UNC13C: variants seen among roughly 807,000 people sequenced by gnomAD.
UNC13C encodes protein unc-13 homolog C.
UNC13C carries 174 observed loss-of-function variants against 245.4 expected under a neutral mutation model. That is an observed-to-expected ratio of 0.71 (90% CI 0.63 to 0.80). The LOEUF (loss-of-function observed/expected upper bound fraction) is 0.80, where lower values mean the gene tolerates loss of function less well. UNC13C is among the 30% of genes least tolerant of loss of function. UNC13C has a pLI of 0.00. For synonymous variants in UNC13C, 992 were observed against 895.1 expected, an observed-to-expected ratio of 1.11 and a Z score of -1.93; for missense variants, 2,829 against 2,602.9, an observed-to-expected ratio of 1.09 and a Z score of -1.89.
the UNC13C span, among the ~76,000 whole-genome samples, chr15:53,900,189 A>G: frequency 7.0e-6 from 1 of 141,950 alleles, no homozygotes; most frequent in African/African-American, 2.6e-5. Flanking sequence ...TGGATTTAAT[A>G]AGGAATTATA....
chr15:54,000,409 C>A (rs1029390233), intron 1 of UNC13C, among the ~76,000 whole-genome samples: 2 of 152,106 alleles, frequency 1.3e-5, no homozygotes, highest in African/African-American at 2.4e-5. Context: ...TATATATGAA[C>A]ATGTTTTGAA....
At chr15:54,051,508 C>A (rs1897264582) in intron 2 of UNC13C, among the ~76,000 whole-genome samples, 1 of 152,042 alleles carries the variant, frequency 6.6e-6, no homozygotes, top group South Asian at 2.1e-4. Flanking sequence ...CACAGTCTTT[C>A]AAATATAGAG....
At position 54,605,285 on chromosome 15, in the gene UNC13C, C is replaced by T. The variant is rs565634378; in HGVS notation, c.6107-17042C>T. ...GAGGGGCCACAGTGCCATGTAGAATCACTGAAACTGCTTTTAAGCTTAGCA... is the reference window on the plus strand; with the variant it reads ...GAGGGGCCACAGTGCCATGTAGAATTACTGAAACTGCTTTTAAGCTTAGCA... On this transcript the variant is annotated intron_variant, in intron 30 of 32. Coordinates refer to ENST00000260323, the MANE Select transcript of UNC13C (RefSeq NM_001080534.3). Among the ~76,000 whole-genome samples the T allele has an allele frequency of 5.9e-5, 9 of 152,310 alleles. 1 individual carries two copies. In the South Asian group the frequency reaches 1.9e-3, roughly 32 times the overall value.
chr15:54,146,197 T>G (rs1373125716), intron 4 of UNC13C, among the ~76,000 whole-genome samples: 5 of 152,180 alleles, frequency 3.3e-5, no homozygotes, highest in Admixed American at 2.0e-4. Flanking sequence ...AAATACTATT[T>G]AAATATCACA....
At chr15:54,024,733 C>A (rs953735012) in intron 2 of UNC13C, among the ~76,000 whole-genome samples, 1 of 151,898 alleles carries the variant, frequency 6.6e-6, no homozygotes, top group African/African-American at 2.4e-5. Context: ...CCTGGCTACA[C>A]GGTGAAACCC....
chr15:54,514,995 TC>T (rs1168297925), intron 24 of UNC13C, among the ~76,000 whole-genome samples: 1 of 152,150 alleles, frequency 6.6e-6, no homozygotes, highest in Non-Finnish European at 1.5e-5. Context: ...AATTTTCTTC[TC>T]CTCTAAAGTG....
At chr15:54,140,786 A>T (rs1255054301) in intron 2 of UNC13C, among the ~76,000 whole-genome samples, 1 of 152,016 alleles carries the variant, frequency 6.6e-6, no homozygotes, top group African/African-American at 2.4e-5. Flanking sequence ...CATGGATTTT[A>T]TGTTCTTTCA....
intron 2 of UNC13C, among the ~76,000 whole-genome samples, chr15:54,080,834 C>A (rs1259402361): frequency 1.3e-5 from 2 of 151,744 alleles, no homozygotes; most frequent in Non-Finnish European, 2.9e-5. Context: ...TTTGTTGTTT[C>A]TTTGCTTTTG....
At chr15:54,071,603 T>G (rs998402704) in intron 2 of UNC13C, among the ~76,000 whole-genome samples, 2 of 152,122 alleles carry the variant, frequency 1.3e-5, no homozygotes, top group Admixed American at 1.3e-4. Flanking sequence ...ACATGTGGCC[T>G]GCTACCTCTT....
intron 19 of UNC13C, among the ~76,000 whole-genome samples, chr15:54,441,075 A>G (rs565446209): frequency 1.3e-5 from 2 of 152,068 alleles, no homozygotes; most frequent in Non-Finnish European, 2.9e-5. Flanking sequence ...TGTAAAATGA[A>G]TACTTTGCAA....
chr15:54,059,095 G>C (rs1897677944), intron 2 of UNC13C, among the ~76,000 whole-genome samples: 1 of 152,086 alleles, frequency 6.6e-6, no homozygotes, highest in Non-Finnish European at 1.5e-5. Flanking sequence ...TCAACATAGT[G>C]TTGGAAGTTC....
At chr15:54,556,298 C>A (rs1240420116) in intron 29 of UNC13C, among the ~76,000 whole-genome samples, 2 of 152,014 alleles carry the variant, frequency 1.3e-5, no homozygotes, top group African/African-American at 4.8e-5. Flanking sequence ...CTGTTAGCTA[C>A]CATGACCCAT....
chr15:53,893,011 T>C, the UNC13C span, among the ~76,000 whole-genome samples: 1 of 152,202 alleles, frequency 6.6e-6, no homozygotes, highest in South Asian at 2.1e-4. Context: ...TGTGGATTTA[T>C]CTACCTTTGG....
chr15:54,168,002 C>G (rs569148722), intron 4 of UNC13C, among the ~76,000 whole-genome samples: 1 of 152,232 alleles, frequency 6.6e-6, no homozygotes, highest in African/African-American at 2.4e-5. Context: ...CCAAAACTCT[C>G]CTATGGAGAA....
At chr15:54,323,369 T>C (rs1267629631) in intron 14 of UNC13C, among the ~76,000 whole-genome samples, 2 of 152,054 alleles carry the variant, frequency 1.3e-5, no homozygotes, top group Non-Finnish European at 2.9e-5. Flanking sequence ...AGGAGACTAC[T>C]CTTTGGGTTA....
At chr15:54,598,215 C>T (rs1899208266) in intron 30 of UNC13C, among the ~76,000 whole-genome samples, 1 of 152,202 alleles carries the variant, frequency 6.6e-6, no homozygotes, top group Non-Finnish European at 1.5e-5. Flanking sequence ...GCCTCAGCCT[C>T]CCGAGTAGCT....
At chr15:53,877,491 G>C in the UNC13C span, among the ~76,000 whole-genome samples, 1 of 152,070 alleles carries the variant, frequency 6.6e-6, no homozygotes, top group South Asian at 2.1e-4. Context: ...TAAAGAGAAA[G>C]GGCTTTACTT....
intron 10 of UNC13C, among the ~76,000 whole-genome samples, chr15:54,273,613 C>T (rs571644002): frequency 1.3e-5 from 2 of 152,278 alleles, no homozygotes; most frequent in Admixed American, 1.3e-4. Context: ...AAAACTATCA[C>T]TTGTATGTTT....
intron 17 of UNC13C, among the ~76,000 whole-genome samples, chr15:54,364,510 CAT>C (rs1291088634): frequency 6.6e-6 from 1 of 152,122 alleles, no homozygotes; most frequent in African/African-American, 2.4e-5. Flanking sequence ...ATTTTGTACA[CAT>C]TTAAATTCAA....
Sources: gnomAD v4.1 joint callset for allele counts (sites outside exome capture counted in the v4.1 genomes callset) on GRCh38, gnomAD v4.1.1 for gene constraint, MANE v1.5 for transcripts, NCBI Gene and HGNC (gene_info 2026-07-23, HGNC 2026-07-21) for gene names.